Variants in COL14A1 observed in about 807,000 individuals in gnomAD.
COL14A1 encodes collagen type XIV alpha 1 chain.
A neutral mutation model predicts 230.3 loss-of-function variants in COL14A1; 136 were observed. That is an observed-to-expected ratio of 0.59 (90% confidence interval 0.51 to 0.68). The LOEUF is 0.68. COL14A1 is among the 30% of genes least tolerant of loss of function. The probability of loss-of-function intolerance (pLI) is 0.00; values close to 1 mark genes in which losing one functional copy is unlikely to be tolerated. For synonymous variants in COL14A1, 792 were observed against 784.1 expected (o/e 1.01, Z -0.17); for missense variants, 1,976 against 2,215.8 (o/e 0.89, Z 2.17).
At chr8:120,322,546 C>T (rs925304091) in intron 40 of COL14A1, among the ~76,000 whole-genome samples, 1 of 152,174 alleles carries the variant, frequency 6.6e-6, no homozygotes, top group African/African-American at 2.4e-5. Context: ...TCCCTCCTCC[C>T]ATCCTTCACC....
chr8:120,225,670 T>C (rs968299896), intron 15 of COL14A1, among the ~76,000 whole-genome samples: 21 of 152,138 alleles, frequency 1.4e-4, no homozygotes, highest in Admixed American at 1.3e-3. Context: ...AATCTTCATA[T>C]AATAATAAGT....
At chr8:120,304,605 C>A (rs1210675637) in intron 36 of COL14A1, among the ~76,000 whole-genome samples, 2 of 152,108 alleles carry the variant, frequency 1.3e-5, no homozygotes, top group East Asian at 3.8e-4. Flanking sequence ...TTCAGTAATG[C>A]TTTTTACTTC....
intron 3 of COL14A1, among the ~76,000 whole-genome samples, chr8:120,162,044 C>T (rs2130542099): frequency 6.6e-6 from 1 of 152,286 alleles, no homozygotes; most frequent in Non-Finnish European, 1.5e-5. Context: ...TAATCTTGTA[C>T]TATGGCTTTT....
chr8:120,365,222 T>G (rs1488823327), intron 45 of COL14A1, among the ~76,000 whole-genome samples: 1 of 152,170 alleles, frequency 6.6e-6, no homozygotes, highest in East Asian at 1.9e-4. Context: ...AAGAATACTT[T>G]CCCAGATATC....
intron 45 of COL14A1, among the ~76,000 whole-genome samples, chr8:120,363,518 A>G (rs1315104702): frequency 6.6e-6 from 1 of 152,224 alleles, no homozygotes; most frequent in Non-Finnish European, 1.5e-5. Context: ...GCAAACCACC[A>G]TGGCACACAT....
At chr8:120,286,016 T>G (rs777946700) in intron 33 of COL14A1, 46 bp downstream of exon 33, 21 of 1,116,460 alleles carry the variant, frequency 1.9e-5, no homozygotes, top group Non-Finnish European at 2.8e-5. Flanking sequence ...TATTTGCTAT[T>G]GAACAAAGCC....
At chr8:120,302,461 C>G (rs1163314008) in intron 36 of COL14A1, among the ~76,000 whole-genome samples, 1 of 152,198 alleles carries the variant, frequency 6.6e-6, no homozygotes, top group African/African-American at 2.4e-5. Flanking sequence ...CTGCATATGG[C>G]TAGCCAGTTA....
intron 22 of COL14A1, among the ~76,000 whole-genome samples, chr8:120,253,135 C>T (rs1369088361): frequency 1.3e-5 from 2 of 152,104 alleles, no homozygotes; most frequent in African/African-American, 4.8e-5. Context: ...ACAGCATCTC[C>T]TATAGCTGGG....
intron 19 of COL14A1, among the ~76,000 whole-genome samples, chr8:120,234,855 T>A (rs970688934): frequency 1.3e-5 from 2 of 152,206 alleles, no homozygotes; most frequent in African/African-American, 4.8e-5. Flanking sequence ...AGTCCCTCTT[T>A]TTCTATTGCT....
chr8:120,284,327 A>G (rs1380763134), intron 32 of COL14A1, among the ~76,000 whole-genome samples: 1 of 152,188 alleles, frequency 6.6e-6, no homozygotes, highest in Non-Finnish European at 1.5e-5. Context: ...GGGAAATGCC[A>G]ATGTTTGGAG....
chr8:120,134,522 T>C (rs560211004), intron 1 of COL14A1, among the ~76,000 whole-genome samples: 42 of 151,978 alleles, frequency 2.8e-4, no homozygotes, highest in Admixed American at 7.9e-4. Context: ...TAAAAGAAAA[T>C]ATAGGAAAAT....
intron 19 of COL14A1, among the ~76,000 whole-genome samples, chr8:120,242,413 A>G (rs1325716037): frequency 6.6e-6 from 1 of 152,228 alleles, no homozygotes; most frequent in Non-Finnish European, 1.5e-5. Flanking sequence ...TAGTTCCAAG[A>G]CCATGGGCTT....
rs536866398 is a variant in COL14A1 at position 120,290,919 on chromosome 8, AC to A, written c.4236+1154del. On this transcript the variant is annotated intron_variant, in intron 34 of 47. Coordinates refer to ENST00000297848, the MANE Select transcript of COL14A1 (RefSeq NM_021110.4). Reference sequence around the variant, plus strand: ...GATGATGCTAAGTAGTTTAACACTTACAGTTGAAGTATCTTTAAAAGTTCCT... The same window carrying A: ...GATGATGCTAAGTAGTTTAACACTTAAGTTGAAGTATCTTTAAAAGTTCCT... Among the ~76,000 whole-genome samples, 16 of 152,350 alleles carry A rather than the reference AC, an allele frequency of 1.1e-4. No homozygotes were observed. The East Asian group carries it at 3.1e-3, about 29-fold the overall frequency.
intron 31 of COL14A1, among the ~76,000 whole-genome samples, chr8:120,282,111 T>G (rs1820057168): frequency 6.6e-6 from 1 of 152,156 alleles, no homozygotes; most frequent in South Asian, 2.1e-4. Context: ...TAGACTGGAT[T>G]AAGAAAATGT....
intron 45 of COL14A1, among the ~76,000 whole-genome samples, chr8:120,362,970 T>C (rs1057449450): frequency 7.2e-5 from 11 of 152,212 alleles, no homozygotes; most frequent in Admixed American, 3.3e-4. Context: ...TCAAACTTCA[T>C]TGGAGCCAAT....
At chr8:120,246,668 T>C (rs1278726998) in intron 20 of COL14A1, among the ~76,000 whole-genome samples, 1 of 152,198 alleles carries the variant, frequency 6.6e-6, no homozygotes, top group Non-Finnish European at 1.5e-5. Flanking sequence ...TAAAAATCTC[T>C]ATATAGTAAA....
chr8:120,210,111 A>G (rs982103065), intron 12 of COL14A1, among the ~76,000 whole-genome samples: 1 of 152,100 alleles, frequency 6.6e-6, no homozygotes, highest in Non-Finnish European at 1.5e-5. Context: ...AACACATGGA[A>G]ATGGTTTCGT....
At position 120,315,957 on chromosome 8, in the gene COL14A1, G is replaced by A. The variant is rs1439888501; in HGVS notation, c.4619G>A (p.Gly1540Asp). The A allele has an allele frequency of 2.5e-6, 4 of 1,613,828 alleles. No homozygotes were observed. In the African/African-American group the frequency reaches 4.0e-5, roughly 16 times the overall value. Residue 1540 changes from glycine (G) to aspartate (D), a missense_variant, in exon 40 of 48, where the codon GGC becomes GAC. Coordinates refer to ENST00000297848, the MANE Select transcript of COL14A1 (RefSeq NM_021110.4). ...GLPGPQGIPG[G>D]VGSPGRDGSP... is the part of the protein sequence containing the mutation. ...TGTTCTACACAGGGTATCCCAGGAG[G>A]CGTTGGTTCACCAGGACGTGATGGC...
In COL14A1 at chr8:120,209,827, G is replaced by GCAGT; in HGVS notation, c.1394_1397dup (p.Pro467SerfsTer22). 1 of 1,613,926 alleles carries GCAGT rather than the reference G, an allele frequency of 6.2e-7. No homozygotes were observed. The highest frequency in any genetic ancestry group is 1.1e-5 in the South Asian group (1 of 91,066). On this transcript the variant is annotated frameshift_variant, in exon 12 of 48. Transcript: ENST00000297848. LOFTEE classifies it high-confidence loss of function. ...GAACAGCATGCGAGTCAAATGGGAT[G>GCAGT]CAGTGCCTGGGGCCTCAGGTTACCT...
Sources: allele counts gnomAD v4.1 joint callset (sites outside exome capture counted in the v4.1 genomes callset), GRCh38; gene constraint gnomAD v4.1.1; transcripts MANE v1.5; gene names NCBI Gene and HGNC (gene_info 2026-07-23, HGNC 2026-07-21).